The following QRICH1 variants were observed in gnomAD, a reference collection of about 807,000 sequenced individuals.
The protein encoded by QRICH1 is glutamine rich 1.
In QRICH1, 16 loss-of-function variants were observed where a neutral mutation model predicts 87.1. The ratio of observed to expected loss-of-function variants is 0.18; its 90% CI spans 0.12 to 0.28. QRICH1 has a LOEUF of 0.28. Ranked by LOEUF, QRICH1 falls within the 10% of genes least tolerant of loss-of-function variation. The probability of loss-of-function intolerance (pLI) is 1.00; values close to 1 mark genes in which losing one functional copy is unlikely to be tolerated. For synonymous variants in QRICH1, 367 were observed against 368.4 expected, an observed-to-expected ratio of 1.00 and a Z score of 0.05; for missense variants, 647 against 951.7, an observed-to-expected ratio of 0.68 and a Z score of 4.21.
intron 6 of QRICH1, among the ~76,000 whole-genome samples, chr3:49,039,690 A>C (rs1286984942): frequency 1.3e-5 from 2 of 152,030 alleles, no homozygotes; most frequent in Non-Finnish European, 2.9e-5. Context: ...GGAGAGGGGA[A>C]ACAGGTGGTG....
At chr3:49,081,248 C>G (rs1346560592) in intron 1 of QRICH1, among the ~76,000 whole-genome samples, 2 of 151,876 alleles carry the variant, frequency 1.3e-5, no homozygotes, top group African/African-American at 4.8e-5. Context: ...GAAACCCTGC[C>G]TTTACTAAAA....
Position 49,030,385 on chromosome 3 carries a change from C to A in QRICH1, c.*67G>T, listed in dbSNP as rs1270257084. ...AAAAGAAAAAAAAAAATGGAGGCCT[C>A]TTCTTTAGTGTGAAAGTCTGTCTGG... On this transcript the variant is annotated 3_prime_UTR_variant, in exon 10 of 10. Coordinates refer to ENST00000395443, the MANE Select transcript of QRICH1 (RefSeq NM_198880.3). The A allele has an allele frequency of 6.8e-7, 1 of 1,479,916 alleles. No homozygotes were observed. The highest frequency in any genetic ancestry group is 1.2e-5 in the South Asian group (1 of 82,560). 91.7% of individuals were successfully genotyped at this position (1,479,916 alleles called of 1,614,324 possible).
rs541737244 is a variant in QRICH1, at chr3:49,071,040, A to G, written c.309+5669T>C. Among the ~76,000 whole-genome samples, 13 of 148,468 alleles carry G rather than the reference A, an allele frequency of 8.8e-5. No individual in the cohort carries two copies. The South Asian group carries it at 2.0e-3, about 23-fold the overall frequency. On this transcript the variant is annotated intron_variant, in intron 2 of 9. Transcript: ENST00000395443. ...AGTTTATCTTGAACATAAAGTCTCA[A>G]AAAACACTCCAAACTTAAATCCCCA...
At chr3:49,046,667 G>A in intron 4 of QRICH1, 88 bp from the exon 5 acceptor site, 1 of 1,407,740 alleles carries the variant, frequency 7.1e-7, no homozygotes, top group Non-Finnish European at 9.7e-7. Context: ...AGGGTGCTGG[G>A]ATAGAAATGC....
chr3:49,069,543 ATTTTTT>A (rs372639913), intron 2 of QRICH1, among the ~76,000 whole-genome samples: 6 of 122,796 alleles, frequency 4.9e-5, no homozygotes, highest in Non-Finnish European at 6.6e-5. Context: ...ATGGGGGGGA[ATTTTTT>A]TTTTTTTTTT....
chr3:49,088,261 CG>C (rs767263717), intron 1 of QRICH1, among the ~76,000 whole-genome samples: 11 of 151,256 alleles, frequency 7.3e-5, no homozygotes, highest in Non-Finnish European at 1.3e-4. Context: ...CCAGAATTGA[CG>C]TATTTCTATT....
At chr3:49,030,991 C>CTTTTTTTTTTT (rs1162254467) in intron 9 of QRICH1, among the ~76,000 whole-genome samples, 3 of 132,452 alleles carry the variant, frequency 2.3e-5, no homozygotes, top group African/African-American at 8.4e-5. Flanking sequence ...AGTCTTTGCG[C>CTTTTTTTTTTT]TTTTTTTTTT....
chr3:49,088,563 G>A (rs1450992966), intron 1 of QRICH1, among the ~76,000 whole-genome samples: 3 of 147,920 alleles, frequency 2.0e-5, no homozygotes, highest in East Asian at 2.0e-4. Flanking sequence ...GGCCCCCCTC[G>A]ACCTCCCAAA....
chr3:49,047,340 T>C, intron 3 of QRICH1, 94 bp from the exon 4 acceptor site: 1 of 1,207,038 alleles, frequency 8.3e-7, no homozygotes, highest in Non-Finnish European at 1.2e-6. Flanking sequence ...AGTTCATTTA[T>C]TTAAGAAAAT....
At chr3:49,051,589 C>G (rs868254666) in intron 3 of QRICH1, among the ~76,000 whole-genome samples, 14 of 134,318 alleles carry the variant, frequency 1.0e-4, no homozygotes, top group Non-Finnish European at 1.5e-4. Context: ...CCTGCGCCCC[C>G]CCCCCCCTCC....
Position 49,057,447 on chromosome 3 carries a change from G to A in QRICH1, c.753C>T (p.Asp251=). ...VLQPVKKRKV[D]MPITVSYAIS... is the part of the protein sequence containing the mutation. ...TGGCGTAGGACACAGTGATGGGCATGTCCACTTTGCGCTTCTTCACTGGTT... is the reference window on the plus strand; with the variant it reads ...TGGCGTAGGACACAGTGATGGGCATATCCACTTTGCGCTTCTTCACTGGTT... The change falls in exon 3 of 10, where the codon GAC becomes GAT. Residue 251 remains aspartate, a synonymous_variant. Coordinates refer to ENST00000395443, the MANE Select transcript of QRICH1 (RefSeq NM_198880.3). This position sits in a 1 kb window ranked among gnomAD's most constrained non-coding sequence, Gnocchi z 5.4. The A allele has an allele frequency of 6.2e-7, 1 of 1,614,010 alleles. No homozygotes were observed. The highest frequency in any genetic ancestry group is 8.5e-7 in the Non-Finnish European group (1 of 1,179,982).
intron 2 of QRICH1, among the ~76,000 whole-genome samples, chr3:49,067,632 A>G (rs1040465147): frequency 5.3e-5 from 8 of 152,026 alleles, no homozygotes; most frequent in African/African-American, 1.9e-4. Flanking sequence ...TTTTTAATTT[A>G]TATAAGAGCC....
chr3:49,086,085 C>A lies in QRICH1; in HGVS notation c.-22+7827G>T, dbSNP rs368474288. ...CTAATGCTCTTGGGGTGTATGAGGT[C>A]TGTAAACAAGCATTTACTTCTAAAC... On this transcript the variant is annotated intron_variant, in intron 1 of 9. Coordinates refer to ENST00000395443, the MANE Select transcript of QRICH1 (RefSeq NM_198880.3). Among the ~76,000 whole-genome samples, 19 of 151,444 alleles carry A rather than the reference C, an allele frequency of 1.3e-4. No individual in the cohort carries two copies. The East Asian group carries it at 3.5e-3, about 28-fold the overall frequency.
intron 9 of QRICH1, 49 bp from the exon 10 acceptor site, chr3:49,030,693 C>T: frequency 6.9e-7 from 1 of 1,440,544 alleles, no homozygotes; most frequent in South Asian, 1.4e-5. Context: ...TAACTTCAAC[C>T]CTCCCACCCT....
intron 3 of QRICH1, among the ~76,000 whole-genome samples, chr3:49,053,995 T>C (rs2093386897): frequency 6.6e-6 from 1 of 152,204 alleles, no homozygotes; most frequent in Non-Finnish European, 1.5e-5. Context: ...TTGTGGTATA[T>C]ATAGACAAAC....
chr3:49,057,826 A>G lies in QRICH1; in HGVS notation c.374T>C (p.Val125Ala). The change falls in exon 3 of 10, where the codon GTT (valine) becomes GCT (alanine). Residue 125 changes from valine (V) to alanine (A), a missense_variant. Physicochemically the swap from Val to Ala is moderately conservative, Grantham distance 64. Around this residue, in one of 7 missense-constraint regions of QRICH1, gnomAD observed 156 missense variants for 164.5 expected, o/e 0.95. Coordinates refer to ENST00000395443, the MANE Select transcript of QRICH1 (RefSeq NM_198880.3). This position sits in a 1 kb window ranked among gnomAD's most constrained non-coding sequence, Gnocchi z 5.4. ...VSAQLSPQLT[V>A]HQPTEQPIQV... The stretch of plus-strand genomic sequence containing the variant: ...GATGGGTTGCTCAGTAGGCTGGTGA[A>G]CGGTGAGTTGTGGGGAGAGCTGAGC... 1 of 1,614,104 alleles carries G rather than the reference A, an allele frequency of 6.2e-7. No homozygotes were observed. The highest frequency in any genetic ancestry group is 1.7e-5 in the Admixed American group (1 of 59,968).
At position 49,093,919 on chromosome 3, in the gene QRICH1, C is replaced by A. The variant is rs766224039; in HGVS notation, c.-29G>T. The A allele has an allele frequency of 1.0e-5, 4 of 399,642 alleles. No homozygotes were observed. The highest frequency in any genetic ancestry group is 2.1e-5 in the African/African-American group (1 of 48,212). The allele number at this position is 399,642 out of a possible 1,614,324, so 24.8% of individuals were successfully genotyped here. On this transcript the variant is annotated 5_prime_UTR_variant, in exon 1 of 10. Coordinates refer to ENST00000395443, the MANE Select transcript of QRICH1 (RefSeq NM_198880.3). ...CCGCACTGGAGCCCTCACCCGGCGA[C>A]GTCACTGCCGCCGCCGCCGCCGCCT...
rs558956294 is a variant in QRICH1 at position 49,064,574 on chromosome 3, T to C, written c.310-6684A>G. Among the ~76,000 whole-genome samples, 12 of 152,178 alleles carry C rather than the reference T, an allele frequency of 7.9e-5. No homozygotes were observed. The East Asian group carries it at 1.2e-3, about 15-fold the overall frequency. ...GGCCCAAAACTAGGAATTTAAAAAA[T>C]TGTAAACCATGCTGGGCGCAGTGGC... On this transcript the variant is annotated intron_variant, in intron 2 of 9. Transcript: ENST00000395443.
At chr3:49,046,159 C>A (rs1470335541) in intron 5 of QRICH1, among the ~76,000 whole-genome samples, 1 of 151,842 alleles carries the variant, frequency 6.6e-6, no homozygotes, top group Admixed American at 6.6e-5. Flanking sequence ...CTCAAGTGAT[C>A]CACCTGCCTC....
Sources: allele counts gnomAD v4.1 joint callset (sites outside exome capture counted in the v4.1 genomes callset), GRCh38; gene constraint gnomAD v4.1.1; regional missense constraint gnomAD v4.1.1; non-coding constraint Gnocchi (gnomAD v3.1); transcripts MANE v1.5; gene names NCBI Gene and HGNC (gene_info 2026-07-23, HGNC 2026-07-21).